The following RBFOX1 variants were observed in gnomAD, a reference collection of about 807,000 sequenced individuals.
RBFOX1 encodes the protein RNA binding protein fox-1 homolog 1.
A neutral mutation model predicts 57.7 loss-of-function variants in RBFOX1; 8 were observed. The observed-to-expected ratio is 0.14, with a 90% CI of 0.08 to 0.25. RBFOX1 has a LOEUF of 0.25. Ranked by LOEUF, RBFOX1 falls within the 10% of genes least tolerant of loss-of-function variation. The pLI is 1.00. For missense variants in RBFOX1, 611 were observed against 548.5 expected (o/e 1.11, Z -1.14); for synonymous variants, 326 against 222.4 (o/e 1.47, Z -4.15).
rs1444699679 is a variant in RBFOX1 at position 6,606,435 on chromosome 16, A to G, written c.-63-48168A>G. ...TTTGTTACACAGGTAAACGTGTGCC[A>G]TAGTGATTTGCTGCACCTATCAACC... is the stretch of plus-strand genomic sequence containing the variant. On this transcript the variant is annotated intron_variant, in intron 2 of 15. Transcript: ENST00000550418. Among the ~76,000 whole-genome samples the G allele has an allele frequency of 3.3e-5, 5 of 152,298 alleles. No individual in the cohort carries two copies. The East Asian group carries it at 7.7e-4, about 24-fold the overall frequency.
chr16:6,854,559 T>TAG (rs1281762943), intron 3 of RBFOX1, among the ~76,000 whole-genome samples: 1 of 149,014 alleles, frequency 6.7e-6, no homozygotes, highest in African/African-American at 2.5e-5. Flanking sequence ...ACCTCACGCA[T>TAG]TACCTCCCTG....
At chr16:6,675,649 T>C (rs12928350) in intron 3 of RBFOX1, among the ~76,000 whole-genome samples, 137,021 of 152,218 alleles carry the variant, frequency 0.9, 61,948 homozygotes, top group East Asian at 1. Flanking sequence ...TGACTGGGGA[T>C]GCCTCACAAT....
At chr16:6,761,111 C>T (rs945791404) in intron 3 of RBFOX1, among the ~76,000 whole-genome samples, 6 of 152,138 alleles carry the variant, frequency 3.9e-5, no homozygotes, top group African/African-American at 9.7e-5. Flanking sequence ...AGCACAATCA[C>T]GACTGACAAT....
intron 1 of RBFOX1, among the ~76,000 whole-genome samples, chr16:6,239,072 A>G (rs529501246): frequency 8.4e-4 from 128 of 152,252 alleles, no homozygotes; most frequent in African/African-American, 2.9e-3. Context: ...TTAACATGAA[A>G]TCAAAGGTAA....
At chr16:6,639,751 C>T (rs976200542) in intron 2 of RBFOX1, among the ~76,000 whole-genome samples, 3 of 151,964 alleles carry the variant, frequency 2.0e-5, no homozygotes, top group African/African-American at 4.8e-5. Context: ...AGGTGTTGGG[C>T]GCCTGTAGTC....
rs554943823 is a variant in RBFOX1 at position 7,181,409 on chromosome 16, G to A, written c.27+129311G>A. 3.9e-5 allele frequency among the ~76,000 whole-genome samples: 6 copies of A among 152,186 alleles called. No homozygotes were observed. The South Asian group carries it at 1.2e-3, about 32-fold the overall frequency. On this transcript the variant is annotated intron_variant, in intron 4 of 15. Transcript: ENST00000550418. ...TTAACAAGTGGTAAGAGTTAATTAG[G>A]GGTCCCTGAGATTTTTAGGGTGCTT...
chr16:5,535,179 CT>C (rs1318998063), intron 2 of RBFOX1, among the ~76,000 whole-genome samples: 2 of 152,180 alleles, frequency 1.3e-5, no homozygotes, highest in Non-Finnish European at 2.9e-5. Flanking sequence ...ACATCTAGTT[CT>C]TTAGTCACAG....
chr16:6,168,164 A>C (rs1293633207), intron 1 of RBFOX1, among the ~76,000 whole-genome samples: 1 of 152,202 alleles, frequency 6.6e-6, no homozygotes, highest in African/African-American at 2.4e-5. Context: ...TTATCTTTCA[A>C]GAACAGGCTC....
intron 3 of RBFOX1, among the ~76,000 whole-genome samples, chr16:7,011,699 G>C (rs1368039497): frequency 6.6e-6 from 1 of 152,116 alleles, no homozygotes; most frequent in Non-Finnish European, 1.5e-5. Context: ...ATTTTTAGTA[G>C]AGATGGGAGT....
At chr16:6,448,887 G>A (rs1369439349) in intron 2 of RBFOX1, among the ~76,000 whole-genome samples, 1 of 152,042 alleles carries the variant, frequency 6.6e-6, no homozygotes, top group East Asian at 1.9e-4. Context: ...TTGAGAGATA[G>A]CAGCCATTTT....
intron 1 of RBFOX1, among the ~76,000 whole-genome samples, chr16:5,356,611 C>T (rs909984939): frequency 2.0e-5 from 3 of 152,092 alleles, no homozygotes; most frequent in Middle Eastern, 3.4e-3. Context: ...CACAGGTTTA[C>T]CATGAAAAAT....
intron 4 of RBFOX1, among the ~76,000 whole-genome samples, chr16:5,961,469 T>G (rs1256992625): frequency 1.4e-5 from 2 of 142,370 alleles, no homozygotes; most frequent in Admixed American, 7.4e-5. Flanking sequence ...CCCTTTGTGC[T>G]CTTTTGTTTA....
chr16:5,860,631 G>A (rs1429949860), intron 3 of RBFOX1, among the ~76,000 whole-genome samples: 1 of 152,162 alleles, frequency 6.6e-6, no homozygotes, highest in African/African-American at 2.4e-5. Flanking sequence ...TTCCAAAATA[G>A]TGAGGTCCAG....
intron 4 of RBFOX1, among the ~76,000 whole-genome samples, chr16:7,092,638 G>A (rs2061049322): frequency 6.6e-6 from 1 of 152,158 alleles, no homozygotes; most frequent in South Asian, 2.1e-4. Context: ...TTGTTCAGTG[G>A]GTTGGTTATT....
intron 2 of RBFOX1, among the ~76,000 whole-genome samples, chr16:6,333,629 A>T (rs2083300524): frequency 3.3e-5 from 5 of 152,168 alleles, no homozygotes; most frequent in Non-Finnish European, 4.4e-5. Flanking sequence ...AAAATTAAAA[A>T]ATATATATAT....
At chr16:5,488,051 G>A (rs1054125394) in intron 2 of RBFOX1, among the ~76,000 whole-genome samples, 1 of 151,832 alleles carries the variant, frequency 6.6e-6, no homozygotes, top group Non-Finnish European at 1.5e-5. Context: ...GATGATGATG[G>A]TGGTGAGGTG....
At chr16:6,102,112 A>G (rs977731428) in intron 1 of RBFOX1, among the ~76,000 whole-genome samples, 5 of 148,496 alleles carry the variant, frequency 3.4e-5, no homozygotes, top group Non-Finnish European at 7.4e-5. Flanking sequence ...TAATTCAAGT[A>G]TTCTGAACAG....
At chr16:7,035,771 A>C (rs1044245250) in intron 3 of RBFOX1, among the ~76,000 whole-genome samples, 1 of 152,114 alleles carries the variant, frequency 6.6e-6, no homozygotes, top group Non-Finnish European at 1.5e-5. Flanking sequence ...TTGGGAATCT[A>C]GTCCTTCCAG....
chr16:7,625,177 A>G (rs572892758), intron 10 of RBFOX1, among the ~76,000 whole-genome samples: 24 of 152,210 alleles, frequency 1.6e-4, no homozygotes, highest in East Asian at 7.8e-4. Flanking sequence ...GCGGGTCGCC[A>G]TGATGTTCTG....
Sources: gnomAD v4.1 joint callset for allele counts (sites outside exome capture counted in the v4.1 genomes callset) on GRCh38, gnomAD v4.1.1 for gene constraint, MANE v1.5 for transcripts, NCBI Gene and HGNC (gene_info 2026-07-23, HGNC 2026-07-21) for gene names.